Variants in SLC9D1 observed in about 807,000 individuals in gnomAD.
The protein encoded by SLC9D1 is solute carrier family 9 member D1, also known as putative LAG1-interacting protein.
At chr13:113,531,282 C>G in the SLC9D1 span, among the ~76,000 whole-genome samples, 1 of 152,332 alleles carries the variant, frequency 6.6e-6, no homozygotes, top group Admixed American at 6.5e-5. Context: ...AGCTTGTCCA[C>G]TCACCTGTCC....
the SLC9D1 span, among the ~76,000 whole-genome samples, chr13:113,514,051 GA>G: frequency 6.6e-6 from 1 of 152,180 alleles, no homozygotes; most frequent in Non-Finnish European, 1.5e-5. Context: ...AAATTAGCTT[GA>G]CTTTAGAACT....
At chr13:113,543,067 CTCCCGCCCTA>C in the SLC9D1 span, among the ~76,000 whole-genome samples, 2 of 119,932 alleles carry the variant, frequency 1.7e-5, no homozygotes, top group Admixed American at 8.9e-5. Flanking sequence ...CTCCCCCTGC[CTCCCGCCCTA>C]CCTCTGTCTG....
the SLC9D1 span, chr13:113,530,153 G>A: frequency 2.6e-5 from 4 of 152,282 alleles, no homozygotes; most frequent in African/African-American, 9.6e-5. Flanking sequence ...CCAACGTCCA[G>A]ACTAGGCCAG....
chr13:113,549,348 G>T, the SLC9D1 span: 1 of 1,524,930 alleles, frequency 6.6e-7, no homozygotes, highest in Non-Finnish European at 8.9e-7. Flanking sequence ...AGCTCAGTGA[G>T]ACCAGCCCTG....
the SLC9D1 span, among the ~76,000 whole-genome samples, chr13:113,526,596 A>T: frequency 2.0e-5 from 3 of 151,248 alleles, no homozygotes; most frequent in Non-Finnish European, 4.4e-5. Flanking sequence ...GCGCACACCC[A>T]TAGTCCCAGC....
the SLC9D1 span, among the ~76,000 whole-genome samples, chr13:113,509,358 T>TA: frequency 6.9e-6 from 1 of 145,290 alleles, no homozygotes; most frequent in Admixed American, 6.8e-5. Flanking sequence ...CTGCCTATGT[T>TA]GGGGCTGGTG....
chr13:113,542,799 G>A, the SLC9D1 span, among the ~76,000 whole-genome samples: 15 of 152,144 alleles, frequency 9.9e-5, no homozygotes, highest in South Asian at 2.7e-3. Flanking sequence ...TCAACCAAAC[G>A]GAAAATTCAA....
At chr13:113,506,116 AG>A in the SLC9D1 span, 1 of 179,932 alleles carries the variant, frequency 5.6e-6, no homozygotes, top group African/African-American at 2.4e-5. Context: ...CCTGTGGAGG[AG>A]ACTGTTGTGG....
At chr13:113,517,236 TTTG>T in the SLC9D1 span, among the ~76,000 whole-genome samples, 10 of 152,152 alleles carry the variant, frequency 6.6e-5, no homozygotes, top group South Asian at 2.1e-4. Flanking sequence ...TCATGCAGCC[TTTG>T]TTGTTGTTGT....
chr13:113,532,333 T>C, the SLC9D1 span, among the ~76,000 whole-genome samples: 1 of 152,162 alleles, frequency 6.6e-6, no homozygotes, highest in Non-Finnish European at 1.5e-5. Context: ...TTTGGAGATG[T>C]GGCTGGAATT....
chr13:113,540,398 T>A, the SLC9D1 span, among the ~76,000 whole-genome samples: 1 of 152,380 alleles, frequency 6.6e-6, no homozygotes, highest in Admixed American at 6.5e-5. Context: ...CGCCAGCGTC[T>A]GTTGCCTTTT....
the SLC9D1 span, among the ~76,000 whole-genome samples, chr13:113,492,979 C>G: frequency 2.0e-5 from 3 of 152,164 alleles, no homozygotes; most frequent in Non-Finnish European, 4.4e-5. Context: ...AAGATGTTTA[C>G]TAATTTGCTC....
At chr13:113,549,861 A>T in the SLC9D1 span, 1 of 559,140 alleles carries the variant, frequency 1.8e-6, no homozygotes, top group East Asian at 3.0e-5. Flanking sequence ...TTGTGAGTTC[A>T]TCAGTTCATA....
the SLC9D1 span, chr13:113,495,794 GA>G: frequency 6.2e-7 from 1 of 1,614,044 alleles, no homozygotes; most frequent in Admixed American, 1.7e-5. Flanking sequence ...TGAACAAACT[GA>G]AAACTGCAAT....
chr13:113,534,449 C>A, the SLC9D1 span: 1 of 562,844 alleles, frequency 1.8e-6, no homozygotes, highest in South Asian at 2.5e-5. Context: ...TTGACTCATA[C>A]TCTTAAGCAC....
At chr13:113,505,971 A>G in the SLC9D1 span, 1 of 154,946 alleles carries the variant, frequency 6.5e-6, no homozygotes, top group East Asian at 1.9e-4. Flanking sequence ...TTCTGAATTA[A>G]CTTTAGGGTG....
At chr13:113,526,865 T>G in the SLC9D1 span, among the ~76,000 whole-genome samples, 1 of 152,230 alleles carries the variant, frequency 6.6e-6, no homozygotes, top group African/African-American at 2.4e-5. Context: ...GGTGTGCCAT[T>G]TTTACCTTTG....
the SLC9D1 span, among the ~76,000 whole-genome samples, chr13:113,508,649 A>G: frequency 6.6e-6 from 1 of 152,178 alleles, no homozygotes; most frequent in African/African-American, 2.4e-5. Context: ...GCCTCCTGTC[A>G]CATGACATCT....
the SLC9D1 span, chr13:113,549,288 A>T: frequency 1.0e-6 from 1 of 960,754 alleles, no homozygotes; most frequent in Non-Finnish European, 1.5e-6. Context: ...CCCAGCACTC[A>T]GCGTGACTGT....
Sources: gnomAD v4.1 joint callset for allele counts (sites outside exome capture counted in the v4.1 genomes callset) on GRCh38, gnomAD v4.1.1 for gene constraint, MANE v1.5 for transcripts, NCBI Gene and HGNC (gene_info 2026-07-23, HGNC 2026-07-21) for gene names.